The following ACTL8 variants were observed in gnomAD, a reference collection of about 807,000 sequenced individuals.
The protein encoded by ACTL8 is actin-like protein 8.
A neutral mutation model predicts 9.3 loss-of-function variants in ACTL8; 3 were observed. The ratio of observed to expected loss-of-function variants is 0.32; its 90% CI spans 0.15 to 0.83. The LOEUF is 0.83. Ranked by LOEUF, ACTL8 falls within the 40% of genes least tolerant of loss-of-function variation. ACTL8 has a pLI of 0.57. For synonymous variants in ACTL8, 224 were observed against 205.9 expected (o/e 1.09, Z -0.75); for missense variants, 381 against 492.2 (o/e 0.77, Z 2.14).
intron 1 of ACTL8, among the ~76,000 whole-genome samples, chr1:17,775,787 C>T (rs1240565035): frequency 6.6e-6 from 1 of 152,214 alleles, no homozygotes; most frequent in Non-Finnish European, 1.5e-5. Flanking sequence ...TCCTCTCCTC[C>T]CCCATCCTCC....
chr1:17,821,756 G>A (rs886085866), intron 1 of ACTL8, among the ~76,000 whole-genome samples: 5 of 152,246 alleles, frequency 3.3e-5, no homozygotes, highest in African/African-American at 9.6e-5. Context: ...AGCCTCCCAA[G>A]TAGCTGGGAT....
chr1:17,767,287 G>C lies in ACTL8; in HGVS notation c.-25+11783G>C, dbSNP rs914573369. On this transcript the variant is annotated intron_variant, in intron 1 of 2. Coordinates refer to ENST00000375406, the MANE Select transcript of ACTL8 (RefSeq NM_030812.3). The surrounding 1 kb of genome is among the most constrained non-coding windows in gnomAD (Gnocchi z 4.7). ...AGTGAGGAGATGCTGGGGTTGCATC[G>C]GATGATAGGATCCGACTTCGCTGCT... Among the ~76,000 whole-genome samples the C allele has an allele frequency of 2.6e-5, 4 of 152,058 alleles. No individual in the cohort carries two copies. The highest frequency in any genetic ancestry group is 7.3e-5 in the African/African-American group (3 of 41,378).
intron 1 of ACTL8, among the ~76,000 whole-genome samples, chr1:17,773,934 G>A (rs1300968843): frequency 2.0e-5 from 3 of 152,246 alleles, no homozygotes; most frequent in Non-Finnish European, 2.9e-5. Context: ...CTAGAGTGAC[G>A]TTTATGTAAT....
intron 1 of ACTL8, among the ~76,000 whole-genome samples, chr1:17,788,653 A>G (rs983489447): frequency 6.6e-6 from 1 of 152,126 alleles, no homozygotes; most frequent in Non-Finnish European, 1.5e-5. Context: ...CAGCAAGAGG[A>G]GTGGGGTGGG....
intron 1 of ACTL8, among the ~76,000 whole-genome samples, chr1:17,805,372 T>C (rs1423965421): frequency 2.0e-5 from 1 of 49,252 alleles, no homozygotes; most frequent in Non-Finnish European, 3.8e-5. Context: ...TTTCTTTTTC[T>C]TTTTCTTTTT....
At chr1:17,779,905 A>C (rs1431930183) in intron 1 of ACTL8, among the ~76,000 whole-genome samples, 1 of 152,188 alleles carries the variant, frequency 6.6e-6, no homozygotes, top group Non-Finnish European at 1.5e-5. Flanking sequence ...CCATGAATCC[A>C]TAAAGCTTAA....
At chr1:17,815,670 T>C (rs2066421487) in intron 1 of ACTL8, among the ~76,000 whole-genome samples, 1 of 152,216 alleles carries the variant, frequency 6.6e-6, no homozygotes. Context: ...TTCTATGGGG[T>C]GTGCTGAGCT....
intron 1 of ACTL8, among the ~76,000 whole-genome samples, chr1:17,758,513 C>A (rs998135135): frequency 1.3e-5 from 2 of 152,272 alleles, no homozygotes; most frequent in Admixed American, 1.3e-4. Context: ...TGGCCGGGTC[C>A]CCTTGAGGAA....
chr1:17,774,024 G>A (rs1362306949), intron 1 of ACTL8, among the ~76,000 whole-genome samples: 1 of 152,156 alleles, frequency 6.6e-6, no homozygotes, highest in Non-Finnish European at 1.5e-5. Context: ...GCAGGGGTTG[G>A]CCTGAGTTCA....
At chr1:17,769,908 T>C (rs942692708) in intron 1 of ACTL8, among the ~76,000 whole-genome samples, 2 of 152,256 alleles carry the variant, frequency 1.3e-5, no homozygotes, top group African/African-American at 4.8e-5. Context: ...CCAATAATAG[T>C]AGCTCCATGG....
At chr1:17,786,602 G>C (rs2066199485) in intron 1 of ACTL8, among the ~76,000 whole-genome samples, 2 of 152,188 alleles carry the variant, frequency 1.3e-5, no homozygotes, top group South Asian at 4.1e-4. Flanking sequence ...GGGGAGGAAA[G>C]TGAGCAGGAC....
In ACTL8 at chr1:17,826,704, C is replaced by T. The variant is rs2053726512; in HGVS notation, c.*185C>T. The T allele has an allele frequency of 1.9e-6, 1 of 531,614 alleles. No homozygotes were observed. 32.9% of individuals were successfully genotyped at this position (531,614 alleles called of 1,614,324 possible). A position where few individuals can be genotyped will look rare whatever the true frequency, so the allele number is the denominator to read the frequency against. On this transcript the variant is annotated 3_prime_UTR_variant, in exon 3 of 3. Transcript: ENST00000375406. The surrounding 1 kb of genome is among the most constrained non-coding windows in gnomAD (Gnocchi z 4.5). ...TCTTGTTGCAAGAGTGGGACCTACC[C>T]AAGGGGGAAGACAAGATGTCATCCT...
chr1:17,822,698 A>G (rs1432726854), intron 1 of ACTL8, among the ~76,000 whole-genome samples: 1 of 151,986 alleles, frequency 6.6e-6, no homozygotes, highest in Non-Finnish European at 1.5e-5. Context: ...AGAAGTGCTC[A>G]CCTAGCAGGA....
chr1:17,822,125 T>C (rs1009571272), intron 1 of ACTL8, among the ~76,000 whole-genome samples: 18 of 152,188 alleles, frequency 1.2e-4, no homozygotes, highest in African/African-American at 4.1e-4. Flanking sequence ...GATGCTTAGC[T>C]CATGTTTAAC....
At chr1:17,819,034 G>A (rs2124190904) in intron 1 of ACTL8, among the ~76,000 whole-genome samples, 1 of 152,312 alleles carries the variant, frequency 6.6e-6, no homozygotes, top group East Asian at 1.9e-4. Flanking sequence ...ATGTGCCAGG[G>A]GAAGAATGGC....
chr1:17,756,393 G>A (rs930187163), intron 1 of ACTL8, among the ~76,000 whole-genome samples: 5 of 152,136 alleles, frequency 3.3e-5, no homozygotes, highest in South Asian at 2.1e-4. Context: ...GATTCTTAGC[G>A]GGGGGTTGTT....
Position 17,779,811 on chromosome 1 carries a change from T to G in ACTL8, c.-25+24307T>G, listed in dbSNP as rs1382063410. Among the ~76,000 whole-genome samples, 4 of 152,170 alleles carry G rather than the reference T, an allele frequency of 2.6e-5. No homozygotes were observed. In the East Asian group the frequency reaches 7.7e-4, roughly 29 times the overall value. On this transcript the variant is annotated intron_variant, in intron 1 of 2. Transcript: ENST00000375406. ...TCATAACTTTATAGGCTAAAATGTC[T>G]CATGGCCCTACCTGGAGTGGGTCTT...
chr1:17,807,574 G>A (rs961802537), intron 1 of ACTL8, among the ~76,000 whole-genome samples: 2 of 152,184 alleles, frequency 1.3e-5, no homozygotes, highest in Non-Finnish European at 2.9e-5. Context: ...ATTCACAATA[G>A]CAAAGACTTG....
intron 1 of ACTL8, among the ~76,000 whole-genome samples, chr1:17,804,334 G>T (rs2066342975): frequency 6.6e-6 from 1 of 152,318 alleles, no homozygotes; most frequent in South Asian, 2.1e-4. Context: ...CCCTTAGTTA[G>T]TGTCTCCTCC....
Sources: allele counts gnomAD v4.1 joint callset (sites outside exome capture counted in the v4.1 genomes callset), GRCh38; gene constraint gnomAD v4.1.1; non-coding constraint Gnocchi (gnomAD v3.1); transcripts MANE v1.5; gene names NCBI Gene and HGNC (gene_info 2026-07-23, HGNC 2026-07-21).